Variants in SLC30A6 observed in about 807,000 individuals in gnomAD.
SLC30A6 encodes the protein solute carrier family 30 member 6.
Under a neutral mutation model 63.0 loss-of-function variants are expected in SLC30A6, and 55 were observed. The observed-to-expected ratio is 0.87, with a 90% CI of 0.70 to 1.09. SLC30A6 has a LOEUF of 1.09. SLC30A6 is among the 50% of genes least tolerant of loss of function. SLC30A6 has a pLI of 0.00. For missense variants in SLC30A6, 587 were observed against 549.2 expected, an observed-to-expected ratio of 1.07 and a Z score of -0.69; for synonymous variants, 224 against 186.1, an observed-to-expected ratio of 1.20 and a Z score of -1.66.
At chr2:32,209,861 GATA>G (rs1457272637) in intron 13 of SLC30A6, among the ~76,000 whole-genome samples, 1 of 152,044 alleles carries the variant, frequency 6.6e-6, no homozygotes, top group Non-Finnish European at 1.5e-5. Context: ...ACATGTTAAT[GATA>G]ATAATACAGG....
At chr2:32,215,950 A>C (rs533662085) in intron 13 of SLC30A6, among the ~76,000 whole-genome samples, 24 of 152,252 alleles carry the variant, frequency 1.6e-4, no homozygotes, top group African/African-American at 5.8e-4. Flanking sequence ...GGTGCCCATC[A>C]ATCCTAGGTG....
chr2:32,217,026 C>A (rs547488499), intron 13 of SLC30A6, among the ~76,000 whole-genome samples: 8 of 151,620 alleles, frequency 5.3e-5, no homozygotes, highest in Admixed American at 5.3e-4. Flanking sequence ...GTAGCTGAAA[C>A]TGCAGGCATT....
intron 13 of SLC30A6, among the ~76,000 whole-genome samples, chr2:32,210,924 C>A (rs1458415129): frequency 6.6e-6 from 1 of 152,130 alleles, no homozygotes; most frequent in Non-Finnish European, 1.5e-5. Flanking sequence ...TGTCAAGAGA[C>A]CAAAGAATGA....
Position 32,197,683 on chromosome 2 carries a change from CTCTT to C in SLC30A6, c.546-20_546-17del, listed in dbSNP as rs771607960. 132 of 1,613,624 alleles carry C rather than the reference CTCTT, an allele frequency of 8.2e-5. No individual in the cohort carries two copies. The African/African-American group carries it at 1.5e-3, about 18-fold the overall frequency. Reference sequence around the variant, plus strand: ...TTTATGTGAGTTCTGCTAATGGATACTCTTTCTGTTTGTTTTTTCTTAGCTTGTG... The same window carrying C: ...TTTATGTGAGTTCTGCTAATGGATACTCTGTTTGTTTTTTCTTAGCTTGTG... On this transcript the variant is annotated intron_variant, in intron 9 of 13. Transcript: ENST00000282587.
chr2:32,220,121 C>G, intron 13 of SLC30A6, 92 bp from the exon 14 acceptor site: 1 of 1,415,876 alleles, frequency 7.1e-7, no homozygotes, highest in Non-Finnish European at 9.4e-7. Flanking sequence ...ATGCCAGGAA[C>G]TTACCAAATC....
intron 4 of SLC30A6, among the ~76,000 whole-genome samples, chr2:32,177,944 A>ATTTTT (rs1042062133): frequency 3.3e-5 from 4 of 120,470 alleles, no homozygotes; most frequent in Non-Finnish European, 5.3e-5. Flanking sequence ...TTTTGAGTTA[A>ATTTTT]TTTTTTTTTT....
Position 32,220,247 on chromosome 2 carries a change from C to G in SLC30A6, c.920C>G (p.Ala307Gly). The G allele has an allele frequency of 1.9e-6, 3 of 1,614,066 alleles. No homozygotes were observed. Among genetic ancestry groups the G allele is most frequent in the Non-Finnish European group, 1.7e-6 (2 of 1,179,954 alleles). ...GSVHVRIRRD[A>G]NEQMVLAHVT... ...GTGCATGTAAGAATTCGACGAGATG[C>G]CAATGAACAAATGGTTCTTGCTCAT... Residue 307 changes from alanine (A) to glycine (G), a missense_variant, in exon 14 of 14, where the codon GCC becomes GGC. By Grantham distance (60) the Ala-to-Gly change is moderately conservative (BLOSUM62 0). Coordinates refer to ENST00000282587, the MANE Select transcript of SLC30A6 (RefSeq NM_017964.5).
chr2:32,183,983 G>C (rs907772191), intron 4 of SLC30A6, among the ~76,000 whole-genome samples: 1 of 152,134 alleles, frequency 6.6e-6, no homozygotes, highest in Non-Finnish European at 1.5e-5. Flanking sequence ...ACATTGTGTA[G>C]TGGAAGTATG....
chr2:32,222,030 A>C lies in SLC30A6; in HGVS notation c.*1317A>C, dbSNP rs1686171880. Reference sequence around the variant, plus strand: ...ATATAATTTTACCAAAGCATAATGGACCTTAGATTATAGAATACAGCATTG... The same window carrying C: ...ATATAATTTTACCAAAGCATAATGGCCCTTAGATTATAGAATACAGCATTG... On this transcript the variant is annotated 3_prime_UTR_variant, in exon 14 of 14. Coordinates refer to ENST00000282587, the MANE Select transcript of SLC30A6 (RefSeq NM_017964.5). The C allele has an allele frequency of 6.6e-6, 1 of 152,200 alleles. No homozygotes were observed. Among genetic ancestry groups the C allele is most frequent in the South Asian group, 2.1e-4 (1 of 4,830 alleles). The allele number at this position is 152,200 out of a possible 1,614,324, so 9.4% of individuals were successfully genotyped here.
Position 32,174,154 on chromosome 2 carries a change from C to A in SLC30A6, c.175+7C>A, listed in dbSNP as rs1194242134. ...AGTTCTACTAATAGTATAGGTATGTCACCTTTGTATTTTTATGGAGTTGTT... is the reference window on the plus strand; with the variant it reads ...AGTTCTACTAATAGTATAGGTATGTAACCTTTGTATTTTTATGGAGTTGTT... On this transcript the variant is annotated splice_region_variant and intron_variant, in intron 3 of 13. Transcript: ENST00000282587. 4.4e-6 allele frequency: 7 copies of A among 1,600,392 alleles called. No homozygotes were observed. Among genetic ancestry groups the A allele is most frequent in the Admixed American group, 1.7e-5 (1 of 58,200 alleles).
chr2:32,221,338 T>G lies in SLC30A6; in HGVS notation c.*625T>G, dbSNP rs1686133296. ...CCACGCCCAGCTAATTTTTGTATTT[T>G]TAGTAAAGACGGGGGATTTCACCAT... is the stretch of plus-strand genomic sequence containing the variant. On this transcript the variant is annotated 3_prime_UTR_variant, in exon 14 of 14. Coordinates refer to ENST00000282587, the MANE Select transcript of SLC30A6 (RefSeq NM_017964.5). The G allele has an allele frequency of 6.5e-6, 1 of 153,612 alleles. No homozygotes were observed. Among genetic ancestry groups the G allele is most frequent in the South Asian group, 2.0e-4 (1 of 4,924 alleles). 9.5% of individuals were successfully genotyped at this position (153,612 alleles called of 1,614,324 possible).
At chr2:32,213,521 G>A (rs1356401358) in intron 13 of SLC30A6, among the ~76,000 whole-genome samples, 2 of 151,974 alleles carry the variant, frequency 1.3e-5, no homozygotes, top group East Asian at 1.9e-4. Flanking sequence ...CAGATGTGCT[G>A]TTGCTTCCTG....
At chr2:32,177,559 T>G in intron 4 of SLC30A6, 1 of 204,540 alleles carries the variant, frequency 4.9e-6, no homozygotes. Flanking sequence ...ACCAAAGTGC[T>G]GGGATAACAG....
intron 11 of SLC30A6, among the ~76,000 whole-genome samples, chr2:32,205,899 C>T (rs1275564083): frequency 4.0e-5 from 6 of 151,716 alleles, no homozygotes; most frequent in Non-Finnish European, 5.9e-5. Flanking sequence ...AATTCCTGAC[C>T]TCAGGTGAGC....
At chr2:32,175,769 AG>A (rs1573250119) in intron 4 of SLC30A6, among the ~76,000 whole-genome samples, 2 of 152,236 alleles carry the variant, frequency 1.3e-5, no homozygotes, top group East Asian at 3.9e-4. Flanking sequence ...TGAGGTCAGG[AG>A]TTTACGACCA....
chr2:32,205,013 A>G (rs998513696), intron 11 of SLC30A6, among the ~76,000 whole-genome samples: 4 of 151,888 alleles, frequency 2.6e-5, no homozygotes, highest in Non-Finnish European at 5.9e-5. Context: ...GGCTCTCACT[A>G]TGTTGCCCAG....
chr2:32,201,437 T>C (rs765831978), intron 10 of SLC30A6, among the ~76,000 whole-genome samples: 3 of 152,248 alleles, frequency 2.0e-5, no homozygotes, highest in Non-Finnish European at 4.4e-5. Flanking sequence ...AAACTTGATA[T>C]AATTACTGAT....
intron 4 of SLC30A6, among the ~76,000 whole-genome samples, chr2:32,178,252 AT>A (rs1328285005): frequency 6.6e-6 from 1 of 151,124 alleles, no homozygotes; most frequent in Non-Finnish European, 1.5e-5. Flanking sequence ...CGGCCAAGTT[AT>A]TTTTTTTTAA....
At chr2:32,192,854 T>A in intron 6 of SLC30A6, 64 bp from the exon 7 acceptor site, 1 of 1,075,140 alleles carries the variant, frequency 9.3e-7, no homozygotes, top group East Asian at 2.9e-5. Context: ...GAATGATATA[T>A]TTAATAAAGC....
Sources: allele counts gnomAD v4.1 joint callset (sites outside exome capture counted in the v4.1 genomes callset), GRCh38; gene constraint gnomAD v4.1.1; transcripts MANE v1.5; gene names NCBI Gene and HGNC (gene_info 2026-07-23, HGNC 2026-07-21).